RANBP2: variants seen among roughly 807,000 people sequenced by gnomAD.
The protein encoded by RANBP2 is RAN binding protein 2.
Under a neutral mutation model 303.6 loss-of-function variants are expected in RANBP2, and 57 were observed. The observed-to-expected ratio is 0.19, with a 90% CI of 0.15 to 0.23. The LOEUF (loss-of-function observed/expected upper bound fraction) is 0.23. RANBP2 is among the 10% of genes least tolerant of loss of function. RANBP2 has a pLI of 1.00. For synonymous variants in RANBP2, 1,167 were observed against 1,301.5 expected, an observed-to-expected ratio of 0.90 and a Z score of 2.23; for missense variants, 3,138 against 3,780.8, an observed-to-expected ratio of 0.83 and a Z score of 4.46.
chr2:109,636,498 T>C, the RANBP2 span, among the ~76,000 whole-genome samples: 1 of 152,060 alleles, frequency 6.6e-6, no homozygotes, highest in Non-Finnish European at 1.5e-5. Context: ...AAAATGCCAA[T>C]ATTGTAGAGG....
the RANBP2 span, chr2:109,127,491 C>T: frequency 3.3e-5 from 5 of 152,186 alleles, no homozygotes; most frequent in African/African-American, 1.2e-4. Flanking sequence ...AATGAAAATT[C>T]AGCCCCAATG....
chr2:108,729,083 T>C, intron 1 of RANBP2, 49 bp from the exon 2 acceptor site: 2 of 1,539,932 alleles, frequency 1.3e-6, no homozygotes, highest in South Asian at 2.3e-5. Flanking sequence ...GAAAAAATGT[T>C]GGAAAATATT....
At chr2:109,553,123 C>A in the RANBP2 span, 1 of 1,613,580 alleles carries the variant, frequency 6.2e-7, no homozygotes, top group Non-Finnish European at 8.5e-7. Flanking sequence ...CTTCTTTCTC[C>A]TTTACTCGCT....
At chr2:109,381,759 C>T in the RANBP2 span, among the ~76,000 whole-genome samples, 4 of 152,078 alleles carry the variant, frequency 2.6e-5, no homozygotes, top group African/African-American at 9.7e-5. Flanking sequence ...AACGAAGGTG[C>T]TCTCGCTTCG....
the RANBP2 span, among the ~76,000 whole-genome samples, chr2:108,904,736 C>T: frequency 6.6e-6 from 1 of 152,102 alleles, no homozygotes; most frequent in Non-Finnish European, 1.5e-5. Flanking sequence ...CTTGTGATTC[C>T]ACTTTTATAA....
At chr2:109,484,119 A>C in the RANBP2 span, among the ~76,000 whole-genome samples, 1 of 142,804 alleles carries the variant, frequency 7.0e-6, no homozygotes, top group African/African-American at 2.6e-5. Flanking sequence ...CCTAGGCTGG[A>C]GTGCAGTGGC....
the RANBP2 span, among the ~76,000 whole-genome samples, chr2:109,105,854 CTTTTT>C: frequency 8.0e-6 from 1 of 124,962 alleles, no homozygotes; most frequent in South Asian, 2.6e-4. Flanking sequence ...CGCGCCTGGT[CTTTTT>C]TTTTTTTTTT....
the RANBP2 span, among the ~76,000 whole-genome samples, chr2:109,345,177 C>G: frequency 6.6e-6 from 1 of 152,186 alleles, no homozygotes; most frequent in African/African-American, 2.4e-5. Context: ...GCTCTGCACC[C>G]CAGCTTTACC....
chr2:109,477,830 G>A, the RANBP2 span, among the ~76,000 whole-genome samples: 1 of 152,178 alleles, frequency 6.6e-6, no homozygotes, highest in African/African-American at 2.4e-5. Flanking sequence ...ATCTCCCAGA[G>A]ACCCCACCTC....
rs2149281022 is a variant in RANBP2 at position 108,766,630 on chromosome 2, G to A, written c.6091G>A (p.Asp2031Asn). 1.2e-6 allele frequency: 2 copies of A among 1,611,972 alleles called. No homozygotes were observed. Among genetic ancestry groups the A allele is most frequent in the Non-Finnish European group, 1.7e-6 (2 of 1,179,834 alleles). Residue 2031 changes from aspartate (D) to asparagine (N), a missense_variant, in exon 20 of 29, where the codon GAT (aspartate) becomes AAT (asparagine). Physicochemically the swap from Asp to Asn is conservative, Grantham distance 23. Around this residue, in one of 20 missense-constraint regions of RANBP2, gnomAD observed 348 missense variants for 360.4 expected, o/e 0.97. Transcript: ENST00000283195. The part of the protein sequence containing the change: ...EKVELVTGEE[D>N]EKVLYSQRVK... ...AGTAGAACTTGTAACAGGAGAAGAA[G>A]ATGAAAAAGTTCTGTATTCACAGCG...
At chr2:108,753,698 C>T in intron 14 of RANBP2, 127 bp from the exon 15 acceptor site, 1 of 1,577,508 alleles carries the variant, frequency 6.3e-7, no homozygotes, top group Non-Finnish European at 8.6e-7. Flanking sequence ...GCTTCCCAGG[C>T]TCAAGCGATT....
At chr2:109,417,125 A>C in the RANBP2 span, among the ~76,000 whole-genome samples, 1 of 152,124 alleles carries the variant, frequency 6.6e-6, no homozygotes, top group African/African-American at 2.4e-5. Flanking sequence ...CTGCCCACAC[A>C]TTTCTTCAGT....
chr2:109,469,328 G>T, the RANBP2 span, among the ~76,000 whole-genome samples: 1 of 152,252 alleles, frequency 6.6e-6, no homozygotes, highest in Non-Finnish European at 1.5e-5. Flanking sequence ...GGGGTGTGTG[G>T]CATGCGGCTG....
At chr2:109,675,691 A>AT in the RANBP2 span, among the ~76,000 whole-genome samples, 4 of 152,200 alleles carry the variant, frequency 2.6e-5, no homozygotes, top group African/African-American at 9.6e-5. Flanking sequence ...TCAAAAAATA[A>AT]GAAAAAAGCA....
chr2:109,134,817 A>G, the RANBP2 span, among the ~76,000 whole-genome samples: 2 of 152,192 alleles, frequency 1.3e-5, no homozygotes, highest in Admixed American at 6.5e-5. Flanking sequence ...ATGCTCTTCT[A>G]TGCAAGGCTG....
the RANBP2 span, among the ~76,000 whole-genome samples, chr2:109,193,441 C>T: frequency 6.6e-6 from 1 of 152,196 alleles, no homozygotes; most frequent in Non-Finnish European, 1.5e-5. Flanking sequence ...CTTACTGTCA[C>T]CCCAGCTCTG....
chr2:109,489,444 G>A, the RANBP2 span, among the ~76,000 whole-genome samples: 4 of 152,226 alleles, frequency 2.6e-5, no homozygotes, highest in East Asian at 3.9e-4. Context: ...TGGGCCTCAC[G>A]GAAAGTCCCA....
chr2:109,125,295 A>C, the RANBP2 span, among the ~76,000 whole-genome samples: 4 of 152,156 alleles, frequency 2.6e-5, no homozygotes, highest in East Asian at 7.7e-4. Flanking sequence ...ACACCTTAGC[A>C]GAGTTGGTGG....
the RANBP2 span, among the ~76,000 whole-genome samples, chr2:109,184,528 G>C: frequency 6.6e-6 from 1 of 152,164 alleles, no homozygotes; most frequent in Non-Finnish European, 1.5e-5. Flanking sequence ...ATAGAGCTGG[G>C]CTGGGAGGCT....
Sources: gnomAD v4.1 joint callset for allele counts (sites outside exome capture counted in the v4.1 genomes callset) on GRCh38, gnomAD v4.1.1 for gene constraint, gnomAD v4.1.1 regional missense constraint, MANE v1.5 for transcripts, NCBI Gene and HGNC (gene_info 2026-07-23, HGNC 2026-07-21) for gene names.